ARSB: variants seen among roughly 807,000 people sequenced by gnomAD.
ARSB encodes arylsulfatase B.
A neutral mutation model predicts 50.9 loss-of-function variants in ARSB; 41 were observed. The ratio of observed to expected loss-of-function variants is 0.81; its 90% CI spans 0.63 to 1.04. The LOEUF is 1.04. Ranked by LOEUF, ARSB falls within the 50% of genes least tolerant of loss-of-function variation. The pLI is 0.00. For missense variants in ARSB, 672 were observed against 693.3 expected (o/e 0.97, Z 0.35); for synonymous variants, 269 against 284.8 (o/e 0.94, Z 0.56).
At chr5:78,829,936 C>T (rs984642959) in intron 6 of ARSB, among the ~76,000 whole-genome samples, 56 of 152,254 alleles carry the variant, frequency 3.7e-4, no homozygotes, top group Middle Eastern at 3.4e-3. Flanking sequence ...AATGACTGGT[C>T]CAGACTGGGA....
intron 6 of ARSB, among the ~76,000 whole-genome samples, chr5:78,810,646 C>T (rs538638344): frequency 1.3e-4 from 20 of 152,298 alleles, no homozygotes; most frequent in African/African-American, 4.6e-4. Flanking sequence ...CATTGAATGG[C>T]TTTTGAGTTT....
intron 6 of ARSB, among the ~76,000 whole-genome samples, chr5:78,782,824 T>C (rs1748964720): frequency 6.6e-6 from 1 of 152,216 alleles, no homozygotes; most frequent in Non-Finnish European, 1.5e-5. Flanking sequence ...ACCATTGATC[T>C]TGCTGAACAC....
intron 6 of ARSB, among the ~76,000 whole-genome samples, chr5:78,791,921 C>T (rs940348162): frequency 2.6e-5 from 4 of 152,004 alleles, no homozygotes; most frequent in African/African-American, 7.2e-5. Flanking sequence ...AGTGGTATGC[C>T]GTATGCCAGG....
chr5:78,798,516 T>C (rs145134273), intron 6 of ARSB, among the ~76,000 whole-genome samples: 2,421 of 151,672 alleles, frequency 0.016, 60 homozygotes, highest in African/African-American at 0.056. Flanking sequence ...GCCCCCTACA[T>C]GGCATTTAGT....
chr5:78,820,072 T>C (rs1561439521), intron 6 of ARSB, among the ~76,000 whole-genome samples: 1 of 152,168 alleles, frequency 6.6e-6, no homozygotes, highest in Non-Finnish European at 1.5e-5. Context: ...TCTTCCCTTT[T>C]CCCCTTTTGT....
rs538692538 is a variant in ARSB, at chr5:78,804,534, G to A, written c.1214-22560C>T. On this transcript the variant is annotated intron_variant, in intron 6 of 7. Transcript: ENST00000264914. ...TCAAGCAGGGTGAAAACACCACTAG[G>A]AGCAAAAGGGAGAGAGCTCAGAGGG... 2.6e-5 allele frequency among the ~76,000 whole-genome samples: 4 copies of A among 152,304 alleles called. No homozygotes were observed. In the South Asian group the frequency reaches 8.3e-4, roughly 32 times the overall value.
Position 78,782,057 on chromosome 5 carries a change from C to T in ARSB, c.1214-83G>A, listed in dbSNP as rs1486625965. On this transcript the variant is annotated intron_variant, in intron 6 of 7. Transcript: ENST00000264914. ...ATCAGCATTTTATACCCTTGCAGAA[C>T]AGTAGCTTTTATTCAACACTGGAGT... is the stretch of plus-strand genomic sequence containing the variant. 5 of 1,568,198 alleles carry T rather than the reference C, an allele frequency of 3.2e-6. No individual in the cohort carries two copies. In the African/African-American group the frequency reaches 4.1e-5, roughly 13 times the overall value.
chr5:78,861,011 GAAGA>G (rs1431022212), intron 5 of ARSB, among the ~76,000 whole-genome samples: 6 of 152,170 alleles, frequency 3.9e-5, no homozygotes, highest in African/African-American at 1.4e-4. Flanking sequence ...AGAAAATCTA[GAAGA>G]AATGGATAAA....
At chr5:78,953,217 A>G (rs1751560234) in intron 4 of ARSB, among the ~76,000 whole-genome samples, 1 of 152,256 alleles carries the variant, frequency 6.6e-6, no homozygotes, top group African/African-American at 2.4e-5. Context: ...GGCCCTGCCC[A>G]GGCTCCTCAG....
intron 3 of ARSB, among the ~76,000 whole-genome samples, chr5:78,956,405 G>GTTT (rs1401422628): frequency 6.6e-6 from 1 of 151,982 alleles, no homozygotes; most frequent in Non-Finnish European, 1.5e-5. Flanking sequence ...CAGATACAAG[G>GTTT]TTTTTTTGGG....
At chr5:78,939,786 G>C (rs1020233701) in intron 4 of ARSB, among the ~76,000 whole-genome samples, 3 of 151,974 alleles carry the variant, frequency 2.0e-5, no homozygotes, top group African/African-American at 7.3e-5. Flanking sequence ...TAATCCTTTG[G>C]GTATATACCC....
chr5:78,913,852 T>TA (rs1228530165), intron 4 of ARSB, among the ~76,000 whole-genome samples: 1 of 152,156 alleles, frequency 6.6e-6, no homozygotes, highest in African/African-American at 2.4e-5. Flanking sequence ...CTCATGTTTT[T>TA]AAAAAAATTT....
intron 4 of ARSB, among the ~76,000 whole-genome samples, chr5:78,916,075 G>C (rs394636): frequency 6.6e-6 from 1 of 152,260 alleles, no homozygotes; most frequent in Admixed American, 6.5e-5. Context: ...ACTGAAGTTC[G>C]GGATGAATAT....
intron 4 of ARSB, among the ~76,000 whole-genome samples, chr5:78,937,475 A>T (rs1229508852): frequency 1.4e-5 from 2 of 146,986 alleles, no homozygotes; most frequent in Non-Finnish European, 3.0e-5. Context: ...ATATATATTC[A>T]TTAATTATAA....
upstream of ARSB, chr5:78,985,332 C>G: frequency 8.5e-7 from 1 of 1,180,764 alleles, no homozygotes; most frequent in Non-Finnish European, 1.1e-6. Flanking sequence ...CTGCCGGGGC[C>G]TGCTCCGCCC....
chr5:78,886,504 G>A (rs865916277), intron 4 of ARSB, among the ~76,000 whole-genome samples: 3 of 152,114 alleles, frequency 2.0e-5, no homozygotes, highest in South Asian at 2.1e-4. Flanking sequence ...CAATACCAGG[G>A]AAGAGAAGGT....
At chr5:78,966,552 A>G (rs1752214203) in intron 2 of ARSB, among the ~76,000 whole-genome samples, 1 of 152,230 alleles carries the variant, frequency 6.6e-6, no homozygotes, top group South Asian at 2.1e-4. Flanking sequence ...GCTGAGATGT[A>G]ACAGTGAGAA....
At chr5:78,791,851 G>T (rs1561426339) in intron 6 of ARSB, among the ~76,000 whole-genome samples, 1 of 152,122 alleles carries the variant, frequency 6.6e-6, no homozygotes, top group African/African-American at 2.4e-5. Context: ...AATTTTTGAA[G>T]ATGAAAAAAG....
At chr5:78,899,806 G>A (rs774882722) in intron 4 of ARSB, among the ~76,000 whole-genome samples, 4 of 152,150 alleles carry the variant, frequency 2.6e-5, no homozygotes, top group African/African-American at 9.7e-5. Context: ...TCGCCATCTC[G>A]TTAGGGTCAG....
Sources: allele counts gnomAD v4.1 joint callset (sites outside exome capture counted in the v4.1 genomes callset), GRCh38; gene constraint gnomAD v4.1.1; transcripts MANE v1.5; gene names NCBI Gene and HGNC (gene_info 2026-07-23, HGNC 2026-07-21).